The following LARGE1 variants were observed in gnomAD, a reference collection of about 807,000 sequenced individuals.
LARGE1 encodes xylosyl- and glucuronyltransferase LARGE1.
LARGE1 carries 43 observed loss-of-function variants against 87.6 expected under a neutral mutation model. The ratio of observed to expected loss-of-function variants is 0.49; its 90% CI spans 0.38 to 0.63. The LOEUF is 0.63. Among genes scored for constraint, LARGE1 ranks in the 30% least tolerant of loss-of-function variants. The pLI is 0.00. For synonymous variants in LARGE1, 434 were observed against 394.6 expected, an observed-to-expected ratio of 1.10 and a Z score of -1.18; for missense variants, 802 against 1,000.2, an observed-to-expected ratio of 0.80 and a Z score of 2.67.
In LARGE1 at chr22:33,549,072, C is replaced by G. The variant is rs548572947; in HGVS notation, c.787+15776G>C. Among the ~76,000 whole-genome samples, 16 of 152,300 alleles carry G rather than the reference C, an allele frequency of 1.1e-4. No individual in the cohort carries two copies. In the Middle Eastern group the frequency reaches 0.014, roughly 130 times the overall value. ...GGGAAGCTGGTAATTTCCACCAGGACCTACTCTGGTTGACAGTGTTCCTTT... is the reference window on the plus strand; with the variant it reads ...GGGAAGCTGGTAATTTCCACCAGGAGCTACTCTGGTTGACAGTGTTCCTTT... On this transcript the variant is annotated intron_variant, in intron 6 of 14. Coordinates refer to ENST00000397394, the MANE Select transcript of LARGE1 (RefSeq NM_133642.5).
intron 1 of LARGE1, among the ~76,000 whole-genome samples, chr22:33,774,246 T>G (rs769168080): frequency 7.5e-6 from 1 of 132,822 alleles, no homozygotes; most frequent in South Asian, 2.4e-4. Flanking sequence ...GAAGAATCAA[T>G]AGGCTTCCTT....
intron 6 of LARGE1, among the ~76,000 whole-genome samples, chr22:33,524,013 C>G (rs751598867): frequency 6.6e-6 from 1 of 152,074 alleles, no homozygotes; most frequent in Non-Finnish European, 1.5e-5. Context: ...TCAAGCCCAG[C>G]CGGGTGTGGT....
intron 11 of LARGE1, among the ~76,000 whole-genome samples, chr22:33,189,254 A>G (rs1923650532): frequency 6.6e-6 from 1 of 152,198 alleles, no homozygotes; most frequent in Non-Finnish European, 1.5e-5. Context: ...GCAAATGCAT[A>G]CAATGCTGGC....
intron 5 of LARGE1, among the ~76,000 whole-genome samples, chr22:33,577,298 T>G (rs758516346): frequency 7.3e-5 from 11 of 151,258 alleles, no homozygotes; most frequent in Non-Finnish European, 1.5e-4. Flanking sequence ...TAAAAAGAGG[T>G]TAAGAAACAC....
intron 2 of LARGE1, among the ~76,000 whole-genome samples, chr22:33,703,178 C>T (rs532078973): frequency 1.3e-5 from 2 of 151,980 alleles, no homozygotes; most frequent in Non-Finnish European, 2.9e-5. Flanking sequence ...ACATCACACA[C>T]CAGGGCCTAT....
chr22:33,279,018 G>A (rs1929915710), intron 13 of LARGE1, among the ~76,000 whole-genome samples: 1 of 152,050 alleles, frequency 6.6e-6, no homozygotes, highest in Non-Finnish European at 1.5e-5. Flanking sequence ...ACGGCCGGCT[G>A]GGTCACCTCT....
intron 1 of LARGE1, among the ~76,000 whole-genome samples, chr22:33,829,299 G>A (rs1350414276): frequency 6.6e-6 from 1 of 151,950 alleles, no homozygotes; most frequent in Non-Finnish European, 1.5e-5. Context: ...GTGAGCCACC[G>A]CACCCGGTCT....
chr22:33,661,012 A>AT lies in LARGE1; in HGVS notation c.107-10345dup, dbSNP rs11356403. 1.8e-3 allele frequency among the ~76,000 whole-genome samples: 268 copies of AT among 147,668 alleles called. 1 individual carries two copies. Among genetic ancestry groups the AT allele is most frequent in the Middle Eastern group, 0.014 (4 of 286 alleles). On this transcript the variant is annotated intron_variant, in intron 2 of 14. Coordinates refer to ENST00000397394, the MANE Select transcript of LARGE1 (RefSeq NM_133642.5). The stretch of plus-strand genomic sequence containing the variant: ...CAGTAAAAATTTTTAATGAGGTTTG[A>AT]TTTTTTTTTTTGTAGCTAAAATCTT...
chr22:33,815,411 A>C (rs892360397), intron 1 of LARGE1, among the ~76,000 whole-genome samples: 2 of 152,218 alleles, frequency 1.3e-5, no homozygotes, highest in African/African-American at 4.8e-5. Flanking sequence ...TAAGAGGCAC[A>C]GTAATTGTTC....
intron 1 of LARGE1, among the ~76,000 whole-genome samples, chr22:33,844,761 C>G (rs1260495894): frequency 6.6e-6 from 1 of 150,578 alleles, no homozygotes; most frequent in Non-Finnish European, 1.5e-5. Context: ...GCTCTTGTTG[C>G]CCAGGCTGGA....
chr22:33,097,816 G>T, the LARGE1 span, among the ~76,000 whole-genome samples: 2 of 152,118 alleles, frequency 1.3e-5, no homozygotes, highest in East Asian at 1.9e-4. Flanking sequence ...GCTCTCTCAG[G>T]GTTGTTGAGG....
intron 7 of LARGE1, among the ~76,000 whole-genome samples, chr22:33,409,977 G>C (rs2066249641): frequency 6.6e-6 from 1 of 152,096 alleles, no homozygotes; most frequent in South Asian, 2.1e-4. Flanking sequence ...AATGAAGAGG[G>C]AAAGCAGGTA....
the LARGE1 span, among the ~76,000 whole-genome samples, chr22:33,121,814 T>C: frequency 8.5e-5 from 13 of 152,198 alleles, no homozygotes; most frequent in Non-Finnish European, 1.8e-4. Context: ...GCCTCACTCA[T>C]GGCAGAAGGC....
chr22:33,268,432 T>TA (rs56987033), downstream of LARGE1, among the ~76,000 whole-genome samples: 8 of 141,586 alleles, frequency 5.7e-5, no homozygotes, highest in African/African-American at 2.4e-4. Context: ...TAAAAAACTT[T>TA]TTTTTTTTTT....
chr22:33,081,521 T>C, the LARGE1 span, among the ~76,000 whole-genome samples: 7 of 152,060 alleles, frequency 4.6e-5, no homozygotes, highest in Admixed American at 6.5e-5. Flanking sequence ...AAGAAAACAG[T>C]AGGCAATACG....
intron 11 of LARGE1, among the ~76,000 whole-genome samples, chr22:33,224,638 G>A (rs1287041757): frequency 6.6e-6 from 1 of 151,986 alleles, no homozygotes; most frequent in South Asian, 2.1e-4. Flanking sequence ...CCTAGGACTC[G>A]GGTCCACCGT....
intron 2 of LARGE1, among the ~76,000 whole-genome samples, chr22:33,731,377 T>C (rs1006809239): frequency 6.6e-6 from 1 of 152,110 alleles, no homozygotes; most frequent in African/African-American, 2.4e-5. Flanking sequence ...CTTGGATATC[T>C]GAGGAGGTTA....
intron 4 of LARGE1, among the ~76,000 whole-genome samples, chr22:33,605,477 A>G (rs568847592): frequency 3.3e-5 from 5 of 152,326 alleles, no homozygotes; most frequent in African/African-American, 1.2e-4. Flanking sequence ...CTGCACTGCT[A>G]TTTCTACATT....
At chr22:33,614,311 G>A (rs1165938284) in intron 4 of LARGE1, among the ~76,000 whole-genome samples, 1 of 152,060 alleles carries the variant, frequency 6.6e-6, no homozygotes, top group Non-Finnish European at 1.5e-5. Context: ...ATCCAACCTT[G>A]GGGACATCTC....
Sources: allele counts gnomAD v4.1 joint callset (sites outside exome capture counted in the v4.1 genomes callset), GRCh38; gene constraint gnomAD v4.1.1; transcripts MANE v1.5; gene names NCBI Gene and HGNC (gene_info 2026-07-23, HGNC 2026-07-21).